ATP13A1: variants seen among roughly 807,000 people sequenced by gnomAD.
ATP13A1 encodes the protein endoplasmic reticulum transmembrane helix translocase.
A neutral mutation model predicts 134.8 loss-of-function variants in ATP13A1; 55 were observed. The observed-to-expected ratio is 0.41, with a 90% confidence interval of 0.33 to 0.51. The LOEUF (loss-of-function observed/expected upper bound fraction) is 0.51, where lower values mean the gene tolerates loss of function less well. ATP13A1 is among the 20% of genes least tolerant of loss of function. ATP13A1 has a pLI of 0.29. For synonymous variants in ATP13A1, 775 were observed against 725.1 expected (o/e 1.07, Z -1.10); for missense variants, 1,389 against 1,652.8 (o/e 0.84, Z 2.77).
At position 19,649,885 on chromosome 19, in the gene ATP13A1, C is replaced by G. The variant is rs1237473009; in HGVS notation, c.2391G>C (p.Arg797=). ...IDGSIVLPLA[R]GSPKALALEY... ...CCAGGGCCAGTGCCTTTGGGGAGCC[C>G]CGGGCCAGGGGCAGCACGATGCTGC... The change falls in exon 18 of 26, where the codon CGG becomes CGC. Residue 797 remains arginine (R), a synonymous_variant. Coordinates refer to ENST00000357324, the MANE Select transcript of ATP13A1 (RefSeq NM_020410.3). 1 of 1,601,538 alleles carries G rather than the reference C, an allele frequency of 6.2e-7. No individual in the cohort carries two copies. The highest frequency in any genetic ancestry group is 1.3e-5 in the African/African-American group (1 of 74,992).
At position 19,663,259 on chromosome 19, in the gene ATP13A1, G is replaced by C; in HGVS notation, c.396+12C>G. On this transcript the variant is annotated intron_variant, in intron 1 of 25. Transcript: ENST00000357324. ...ACCGTGCTGGGGGTCGGGCTCGCGT[G>C]TACACACTTACCGGGGTGCAGGTGA... The C allele has an allele frequency of 6.4e-7, 1 of 1,571,804 alleles. No individual in the cohort carries two copies. Among genetic ancestry groups the C allele is most frequent in the South Asian group, 1.2e-5 (1 of 85,600 alleles).
chr19:19,655,495 G>A lies in ATP13A1; in HGVS notation c.1396+33C>T. On this transcript the variant is annotated intron_variant, in intron 10 of 25. Coordinates refer to ENST00000357324, the MANE Select transcript of ATP13A1 (RefSeq NM_020410.3). This position sits in a 1 kb window ranked among gnomAD's most constrained non-coding sequence, Gnocchi z 5.7. ...TGCCAACCTGGAGCCTCGGAGGGTG[G>A]GCGCAGGGGACCACAGAGGCCGTGG... 2 of 1,613,976 alleles carry A rather than the reference G, an allele frequency of 1.2e-6. No homozygotes were observed. Among genetic ancestry groups the A allele is most frequent in the South Asian group, 1.1e-5 (1 of 91,088 alleles).
At chr19:19,661,219 A>C (rs2062092603) in intron 1 of ATP13A1, among the ~76,000 whole-genome samples, 1 of 152,182 alleles carries the variant, frequency 6.6e-6, no homozygotes, top group South Asian at 2.1e-4. Flanking sequence ...ACATGAACTC[A>C]AATAGGAAGA....
chr19:19,657,524 T>C (rs1435874937), intron 3 of ATP13A1, 116 bp from the exon 4 acceptor site: 34 of 1,052,554 alleles, frequency 3.2e-5, no homozygotes, highest in Non-Finnish European at 3.7e-5. Flanking sequence ...CCAAGAGCCA[T>C]ATGTGGGCGT....
chr19:19,662,213 T>G (rs1238917558), intron 1 of ATP13A1: 1 of 1,531,064 alleles, frequency 6.5e-7, no homozygotes, highest in African/African-American at 1.4e-5. Flanking sequence ...CCTCCTTTAT[T>G]TTGTCCCTCA....
chr19:19,657,925 G>A (rs1055521164), intron 3 of ATP13A1, among the ~76,000 whole-genome samples: 16 of 152,172 alleles, frequency 1.1e-4, no homozygotes, highest in Non-Finnish European at 1.6e-4. Flanking sequence ...GAGGCAGGAG[G>A]AGTGCTTGAG....
intron 1 of ATP13A1, chr19:19,662,305 A>C: frequency 2.0e-6 from 2 of 985,426 alleles, no homozygotes; most frequent in East Asian, 1.1e-4. Flanking sequence ...GAAGGACAGA[A>C]CAGGTTGTCT....
intron 1 of ATP13A1, among the ~76,000 whole-genome samples, 152 bp from the exon 2 acceptor site, chr19:19,660,139 T>C (rs1466406082): frequency 3.9e-5 from 6 of 152,170 alleles, no homozygotes; most frequent in African/African-American, 1.4e-4. Flanking sequence ...TCGTCTGTCA[T>C]CAGGACAAAC....
chr19:19,662,467 C>T, intron 1 of ATP13A1: 1 of 732,190 alleles, frequency 1.4e-6, no homozygotes, highest in African/African-American at 1.9e-5. Flanking sequence ...TGATATACCT[C>T]AGTGTCCATG....
Position 19,651,717 on chromosome 19 carries a change from C to A in ATP13A1, c.2307G>T (p.Thr769=). The change falls in exon 17 of 26, where the codon ACG becomes ACT. Residue 769 remains threonine, a synonymous_variant. Coordinates refer to ENST00000357324, the MANE Select transcript of ATP13A1 (RefSeq NM_020410.3). ...TCTCGGAGGGAGGCTGCAGGATCAG[C>A]GTGTGGGCCTTTTCAATGAAGTGCA... ...QELHFIEKAH[T]LILQPPSEKG... is the part of the protein sequence containing the mutation. 1 of 1,613,042 alleles carries A rather than the reference C, an allele frequency of 6.2e-7. No homozygotes were observed. The highest frequency in any genetic ancestry group is 8.5e-7 in the Non-Finnish European group (1 of 1,179,512).
rs760978123 is a variant in ATP13A1, at chr19:19,646,273, G to C, written c.3180C>G (p.Leu1060=). The change falls in exon 23 of 26, where the codon CTC becomes CTG. Residue 1060 remains leucine (L), a synonymous_variant. Transcript: ENST00000357324. ...FNLYTILTVM[L]QFFVHFLSLV... ...GGCTCAGGAAGTGCACAAAGAACTG[G>C]AGCATGACGGTGAGGATGGTGTACA... The C allele has an allele frequency of 1.2e-6, 2 of 1,613,980 alleles. No individual in the cohort carries two copies. Among genetic ancestry groups the C allele is most frequent in the East Asian group, 2.2e-5 (1 of 44,874 alleles).
In ATP13A1 at chr19:19,646,954, T is replaced by C. The variant is rs1019248338; in HGVS notation, c.3105+175A>G. ...CGCCAAGCTGTACCACCTGGAGGGG[T>C]CTGGGAGCCTCAGTCCACACCTGCC... On this transcript the variant is annotated intron_variant, in intron 22 of 25. Coordinates refer to ENST00000357324, the MANE Select transcript of ATP13A1 (RefSeq NM_020410.3). The C allele has an allele frequency of 2.6e-5, 18 of 691,124 alleles. No individual in the cohort carries two copies. In the African/African-American group the frequency reaches 3.3e-4, roughly 12 times the overall value. The allele number at this position is 691,124 out of a possible 1,614,324, so 42.8% of individuals were successfully genotyped here.
intron 3 of ATP13A1, among the ~76,000 whole-genome samples, 189 bp downstream of exon 3, chr19:19,659,412 C>T (rs757164222): frequency 9.9e-5 from 15 of 151,892 alleles, no homozygotes; most frequent in African/African-American, 3.4e-4. Flanking sequence ...GCTGAGATCG[C>T]GTCACTGCAC....
intron 17 of ATP13A1, chr19:19,650,225 C>T (rs2062015429): frequency 5.6e-6 from 3 of 537,622 alleles, no homozygotes; most frequent in Admixed American, 3.4e-5. Flanking sequence ...CATGCCCCCA[C>T]CTCATGCAAG....
rs756260256 is a variant in ATP13A1 at position 19,645,970 on chromosome 19, C to T, written c.3264G>A (p.Val1088=). 6.2e-7 allele frequency: 1 copy of T among 1,612,278 alleles called. No individual in the cohort carries two copies. Among genetic ancestry groups the T allele is most frequent in the Non-Finnish European group, 8.5e-7 (1 of 1,179,864 alleles). The change falls in exon 24 of 26, where the codon GTG becomes GTA. Residue 1088 remains valine (V), a synonymous_variant. Coordinates refer to ENST00000357324, the MANE Select transcript of ATP13A1 (RefSeq NM_020410.3). This position sits in a 1 kb window ranked among gnomAD's most constrained non-coding sequence, Gnocchi z 4.1. ...ARSPEKQEQF[V]DLYKEFEPSL... is the part of the protein sequence containing the mutation. ...TTGGCTCAAACTCCTTGTACAAGTC[C>T]ACGAACTGCTCCTGCCTGCAAGGAC...
intron 13 of ATP13A1, 109 bp downstream of exon 13, chr19:19,654,434 G>T: frequency 2.2e-6 from 3 of 1,348,528 alleles, no homozygotes; most frequent in African/African-American, 1.5e-5. Context: ...GAGCATCAGA[G>T]CTGTAGGCCT....
intron 1 of ATP13A1, chr19:19,662,065 C>G: frequency 1.3e-6 from 2 of 1,573,706 alleles, no homozygotes; most frequent in Non-Finnish European, 1.7e-6. Context: ...TGAATCAAAC[C>G]CAGATCCACC....
rs1166054281 is a variant in ATP13A1, at chr19:19,656,641, C to T, written c.1083+19G>A. 6.2e-7 allele frequency: 1 copy of T among 1,607,916 alleles called. No individual in the cohort carries two copies. Among genetic ancestry groups the T allele is most frequent in the South Asian group, 1.1e-5 (1 of 90,454 alleles). On this transcript the variant is annotated intron_variant, in intron 7 of 25. Transcript: ENST00000357324. This position sits in a 1 kb window ranked among gnomAD's most constrained non-coding sequence, Gnocchi z 4.6. ...TTTCCTCCTGAACAGCTTGAGGATC[C>T]CCATCCTCCACCAAGTACCTTCATC...
intron 3 of ATP13A1, 48 bp from the exon 4 acceptor site, chr19:19,657,456 G>A: frequency 6.6e-7 from 1 of 1,525,786 alleles, no homozygotes; most frequent in Non-Finnish European, 8.9e-7. Context: ...GGCCTCTGGG[G>A]TATGGAGTCT....
Sources: gnomAD v4.1 joint callset for allele counts (sites outside exome capture counted in the v4.1 genomes callset) on GRCh38, gnomAD v4.1.1 for gene constraint, Gnocchi (gnomAD v3.1) non-coding constraint, MANE v1.5 for transcripts, NCBI Gene and HGNC (gene_info 2026-07-23, HGNC 2026-07-21) for gene names.